The following STK36 variants were observed in gnomAD, a reference collection of about 807,000 sequenced individuals.
STK36 encodes the protein serine/threonine kinase 36.
In STK36, 116 loss-of-function variants were observed where a neutral mutation model predicts 142.2. The ratio of observed to expected loss-of-function variants is 0.82; its 90% CI spans 0.70 to 0.95. The LOEUF is 0.95. STK36 is among the 40% of genes least tolerant of loss of function. STK36 has a pLI of 0.00. For synonymous variants in STK36, 619 were observed against 641.7 expected, an observed-to-expected ratio of 0.96 and a Z score of 0.53; for missense variants, 1,422 against 1,617.2, an observed-to-expected ratio of 0.88 and a Z score of 2.07.
chr2:218,690,368 A>T (rs1164971433), intron 13 of STK36, 82 bp from the exon 14 acceptor site: 3 of 1,114,164 alleles, frequency 2.7e-6, no homozygotes, highest in East Asian at 2.3e-5. Context: ...AGATTCTCCT[A>T]CCTGCCCAGG....
At chr2:218,681,932 T>A (rs59956322) in intron 10 of STK36, among the ~76,000 whole-genome samples, 3,580 of 152,256 alleles carry the variant, frequency 0.024, 148 homozygotes, top group African/African-American at 0.08. Flanking sequence ...TTATTTATTT[T>A]TTTTATTTTT....
At chr2:218,701,452 C>A (rs1941441062) in intron 26 of STK36, among the ~76,000 whole-genome samples, 1 of 151,914 alleles carries the variant, frequency 6.6e-6, no homozygotes, top group Non-Finnish European at 1.5e-5. Flanking sequence ...GGTGAAGATC[C>A]TATAGGAATC....
rs1941144622 is a variant in STK36, at chr2:218,694,409, T to C, written c.2400+82T>C. 2 of 1,519,576 alleles carry C rather than the reference T, an allele frequency of 1.3e-6. No homozygotes were observed. Among genetic ancestry groups the C allele is most frequent in the Admixed American group, 3.3e-5 (2 of 59,830 alleles). The allele number at this position is 1,519,576 out of a possible 1,614,324, so 94.1% of individuals were successfully genotyped here. A position where few individuals can be genotyped will look rare whatever the true frequency, so the allele number is the denominator to read the frequency against. Reference sequence around the variant, plus strand: ...GAAGTGGGGGAGTCACTATCCAATTTGCATCTGTTTCTGGAGGCATTCTTT... The same window carrying C: ...GAAGTGGGGGAGTCACTATCCAATTCGCATCTGTTTCTGGAGGCATTCTTT... On this transcript the variant is annotated intron_variant, in intron 20 of 26. Coordinates refer to ENST00000295709, the MANE Select transcript of STK36 (RefSeq NM_015690.5). The surrounding 1 kb of genome is among the most constrained non-coding windows in gnomAD (Gnocchi z 4.4).
At chr2:218,698,128 A>G (rs1043222049) in intron 25 of STK36, 127 bp downstream of exon 25, 1 of 1,336,252 alleles carries the variant, frequency 7.5e-7, no homozygotes, top group Non-Finnish European at 1.0e-6. Flanking sequence ...CTTGACTCAA[A>G]AGTTGGCGTG....
chr2:218,684,098 C>G (rs997542758), intron 10 of STK36, among the ~76,000 whole-genome samples: 10 of 147,738 alleles, frequency 6.8e-5, no homozygotes, highest in African/African-American at 2.5e-4. Context: ...TGTGCCCAGC[C>G]TCACGATCTT....
At chr2:218,696,740 T>C in intron 22 of STK36, 139 bp downstream of exon 22, 1 of 1,005,390 alleles carries the variant, frequency 9.9e-7, no homozygotes. Flanking sequence ...CCTTGGAACT[T>C]CCCCGCCTGC....
At chr2:218,697,249 T>C (rs1271972288) in intron 23 of STK36, 36 bp downstream of exon 23, 2 of 1,589,432 alleles carry the variant, frequency 1.3e-6, no homozygotes, top group East Asian at 4.5e-5. Flanking sequence ...GGGAGTGCAT[T>C]GATCTCTCTT....
Position 218,699,347 on chromosome 2 carries a change from A to C in STK36, c.3803A>C (p.Gln1268Pro). The change falls in exon 26 of 27, where the codon CAG becomes CCG. Residue 1268 changes from glutamine (Q) to proline (P), a missense_variant and splice_region_variant. This residue lies in a region of STK36 where 962 missense variants were observed against 1,167.5 expected (regional missense o/e 0.82). Transcript: ENST00000295709. ...CTGCAACAGGAGCCTGGCATCCATC[A>C]GGTATACCCTACAGCACTTATGAAC... Reference protein sequence around the residue: ...RSLQQEPGIHQVLVSLGASEK... With the variant: ...RSLQQEPGIHPVLVSLGASEK... The C allele has an allele frequency of 6.2e-7, 1 of 1,613,236 alleles. No individual in the cohort carries two copies. The highest frequency in any genetic ancestry group is 1.3e-5 in the African/African-American group (1 of 74,996).
intron 1 of STK36, 80 bp from the exon 2 acceptor site, chr2:218,672,661 C>T: frequency 1.6e-6 from 1 of 609,760 alleles, no homozygotes; most frequent in South Asian, 2.0e-5. Flanking sequence ...TTCCACCCTC[C>T]CATGTTTTTT....
rs1940188219 is a variant in STK36, at chr2:218,675,380, A to G, written c.341A>G (p.Tyr114Cys). Residue 114 changes from tyrosine to cysteine, a missense_variant, in exon 5 of 27, where the codon TAC becomes TGC. Tyr to Cys is a radical substitution (Grantham distance 194). Transcript: ENST00000295709. ...AIAAQLVSAL[Y>C]YLHSHRILHR... ...GCTGCCCAGTTGGTGTCAGCCCTGT[A>G]CTATCTGCATTCCCACCGCATCCTA... The G allele has an allele frequency of 3.1e-6, 5 of 1,612,976 alleles. No individual in the cohort carries two copies. The highest frequency in any genetic ancestry group is 2.7e-5 in the African/African-American group (2 of 74,542).
At chr2:218,679,515 C>T (rs760761438) in intron 7 of STK36, 45 bp from the exon 8 acceptor site, 9 of 1,591,766 alleles carry the variant, frequency 5.7e-6, no homozygotes, top group African/African-American at 1.3e-5. Context: ...GACACAGGGA[C>T]TATGGCCCCC....
chr2:218,672,682 T>A (rs1419928958), intron 1 of STK36, 59 bp from the exon 2 acceptor site: 2 of 684,434 alleles, frequency 2.9e-6, no homozygotes, highest in Non-Finnish European at 5.1e-6. Flanking sequence ...GAGGCTTTAT[T>A]GTGAAAAAGA....
At chr2:218,680,475 G>A in intron 9 of STK36, 128 bp from the exon 10 acceptor site, 4 of 703,476 alleles carry the variant, frequency 5.7e-6, no homozygotes, top group Non-Finnish European at 9.6e-6. Context: ...CCAGAAAGAA[G>A]TCTCCTCTAG....
chr2:218,691,170 G>A (rs570342835), intron 14 of STK36, among the ~76,000 whole-genome samples: 5 of 152,242 alleles, frequency 3.3e-5, no homozygotes, highest in African/African-American at 1.2e-4. Context: ...ACAGGAGAAT[G>A]GAGGATTGAA....
chr2:218,681,199 C>T (rs1575126333), intron 10 of STK36, among the ~76,000 whole-genome samples: 1 of 150,632 alleles, frequency 6.6e-6, no homozygotes, highest in East Asian at 2.0e-4. Context: ...GCAATCTTGG[C>T]TCACTGCAAC....
chr2:218,689,178 A>C (rs945654792), intron 12 of STK36, among the ~76,000 whole-genome samples: 24 of 152,174 alleles, frequency 1.6e-4, no homozygotes, highest in African/African-American at 5.8e-4. Context: ...CATTGTTGCC[A>C]CAGGGAAATA....
chr2:218,698,770 C>T lies in STK36; in HGVS notation c.3226C>T (p.Leu1076=), dbSNP rs762408317. The T allele has an allele frequency of 9.3e-6, 15 of 1,614,100 alleles. No individual in the cohort carries two copies. The highest frequency in any genetic ancestry group is 1.6e-4 in the Middle Eastern group (1 of 6,084). Residue 1076 remains leucine (L), a synonymous_variant, in exon 26 of 27, where the codon CTG becomes TTG. Coordinates refer to ENST00000295709, the MANE Select transcript of STK36 (RefSeq NM_015690.5). The stretch of plus-strand genomic sequence containing the variant: ...AGTTGCCCTCCTGAGTGACCAGCCA[C>T]TGTTGACCTCCGACCTTCTCTCTCT... ...LSVALLSDQP[L]LTSDLLSLLA...
intron 11 of STK36, among the ~76,000 whole-genome samples, chr2:218,686,035 G>A (rs914937037): frequency 1.3e-5 from 2 of 151,662 alleles, no homozygotes; most frequent in African/African-American, 4.8e-5. Flanking sequence ...CCCCGCGCAG[G>A]TTTAAGCAAT....
In STK36 at chr2:218,675,439, G is replaced by T; in HGVS notation, c.400G>T (p.Ala134Ser). The change falls in exon 5 of 27, where the codon GCC becomes TCC. Residue 134 changes from alanine (A) to serine (S), a missense_variant. Ala to Ser is a moderately conservative substitution (Grantham distance 99, BLOSUM62 1). Around this residue, in one of 2 missense-constraint regions of STK36, gnomAD observed 460 missense variants for 449.6 expected, o/e 1.02. Transcript: ENST00000295709. ...TATGAAGCCTCAGAACATCCTCCTCGCCAAGGGTGGTGGCATCAAGCTCTG... is the reference window on the plus strand; with the variant it reads ...TATGAAGCCTCAGAACATCCTCCTCTCCAAGGGTGGTGGCATCAAGCTCTG... ...RDMKPQNILLAKGGGIKLCDF... is the reference protein window; with the variant it reads ...RDMKPQNILLSKGGGIKLCDF... The T allele has an allele frequency of 6.2e-7, 1 of 1,609,848 alleles. No homozygotes were observed. Among genetic ancestry groups the T allele is most frequent in the South Asian group, 1.1e-5 (1 of 90,932 alleles).
Sources: allele counts gnomAD v4.1 joint callset (sites outside exome capture counted in the v4.1 genomes callset), GRCh38; gene constraint gnomAD v4.1.1; regional missense constraint gnomAD v4.1.1; non-coding constraint Gnocchi (gnomAD v3.1); transcripts MANE v1.5; gene names NCBI Gene and HGNC (gene_info 2026-07-23, HGNC 2026-07-21).